The following OSBPL11 variants were observed in gnomAD, a reference collection of about 807,000 sequenced individuals.
OSBPL11 encodes the protein oxysterol-binding protein-related protein 11.
Under a neutral mutation model 84.4 loss-of-function variants are expected in OSBPL11, and 33 were observed. That is an observed-to-expected ratio of 0.39 (90% CI 0.30 to 0.52). OSBPL11 has a LOEUF of 0.52. Ranked by LOEUF, OSBPL11 falls within the 20% of genes least tolerant of loss-of-function variation. The probability of loss-of-function intolerance (pLI) is 0.72; values close to 1 mark genes in which losing one functional copy is unlikely to be tolerated. For missense variants in OSBPL11, 736 were observed against 901.1 expected (o/e 0.82, Z 2.35); for synonymous variants, 276 against 310.2 (o/e 0.89, Z 1.16).
intron 10 of OSBPL11, among the ~76,000 whole-genome samples, chr3:125,543,043 G>C (rs1011853104): frequency 1.3e-5 from 2 of 151,788 alleles, no homozygotes; most frequent in Non-Finnish European, 2.9e-5. Flanking sequence ...GAATCAGATA[G>C]ACCAGTTCTG....
intron 1 of OSBPL11, among the ~76,000 whole-genome samples, chr3:125,593,186 G>C (rs1263248111): frequency 2.0e-5 from 3 of 152,122 alleles, no homozygotes; most frequent in Non-Finnish European, 4.4e-5. Context: ...AGGTCAGGAC[G>C]AAGCGCCACG....
chr3:125,552,448 T>C lies in OSBPL11; in HGVS notation c.1387A>G (p.Met463Val), dbSNP rs1935927433. ...IGETFHCSWK[M>V]PKSEVASSVF... ...CTGGATGCTACCTCGCTTTTTGGCA[T>C]CTTCCAGGAACAGTGAAATGTTTCT... Residue 463 changes from methionine to valine, a missense_variant, in exon 9 of 13, where the codon ATG becomes GTG. Met to Val is a conservative substitution (Grantham distance 21, BLOSUM62 1). Around this residue, in one of 3 missense-constraint regions of OSBPL11, gnomAD observed 579 missense variants for 717.6 expected, o/e 0.81. Transcript: ENST00000296220. 6.2e-7 allele frequency: 1 copy of C among 1,614,192 alleles called. No homozygotes were observed. Among genetic ancestry groups the C allele is most frequent in the South Asian group, 1.1e-5 (1 of 91,086 alleles).
chr3:125,542,756 C>T (rs981526723), intron 10 of OSBPL11, among the ~76,000 whole-genome samples: 4 of 152,048 alleles, frequency 2.6e-5, no homozygotes, highest in Non-Finnish European at 5.9e-5. Flanking sequence ...GTGATCTACC[C>T]GCCTCGGCCT....
At chr3:125,557,791 CTTTTTTTTT>C (rs11295103) in intron 8 of OSBPL11, among the ~76,000 whole-genome samples, 8 of 81,952 alleles carry the variant, frequency 9.8e-5, no homozygotes, top group South Asian at 4.3e-4. Context: ...ATACAACTTT[CTTTTTTTTT>C]TTTTTTTTTT....
intron 1 of OSBPL11, among the ~76,000 whole-genome samples, chr3:125,586,266 TA>T (rs1936508816): frequency 6.6e-6 from 1 of 152,174 alleles, no homozygotes; most frequent in Admixed American, 6.5e-5. Context: ...TAAGCTATGA[TA>T]AAGTTAATTT....
chr3:125,580,756 T>C (rs983670820), intron 2 of OSBPL11, among the ~76,000 whole-genome samples: 3 of 152,048 alleles, frequency 2.0e-5, no homozygotes, highest in African/African-American at 4.8e-5. Flanking sequence ...AATCAAAATA[T>C]GAGCTCTGAG....
At chr3:125,574,685 C>T (rs1023026519) in intron 5 of OSBPL11, among the ~76,000 whole-genome samples, 3 of 152,136 alleles carry the variant, frequency 2.0e-5, no homozygotes, top group African/African-American at 7.2e-5. Context: ...GGACAACCAT[C>T]TGGTATATCT....
chr3:125,551,447 T>C (rs1032474701), intron 9 of OSBPL11, among the ~76,000 whole-genome samples: 7 of 152,016 alleles, frequency 4.6e-5, no homozygotes, highest in African/African-American at 1.7e-4. Flanking sequence ...GCTTTGTACT[T>C]TTCTAGTTTT....
chr3:125,592,773 AT>A (rs1312435894), intron 1 of OSBPL11, among the ~76,000 whole-genome samples: 1 of 152,134 alleles, frequency 6.6e-6, no homozygotes, highest in Non-Finnish European at 1.5e-5. Context: ...AAAAAGAAAA[AT>A]ATTAAGACCT....
chr3:125,569,621 T>TA (rs1358941137), intron 5 of OSBPL11, among the ~76,000 whole-genome samples: 1 of 152,170 alleles, frequency 6.6e-6, no homozygotes, highest in Non-Finnish European at 1.5e-5. Flanking sequence ...ATCCAACAAT[T>TA]ACACTCTTAG....
chr3:125,581,273 G>A (rs1044195761), intron 2 of OSBPL11, among the ~76,000 whole-genome samples: 1 of 151,868 alleles, frequency 6.6e-6, no homozygotes, highest in African/African-American at 2.4e-5. Flanking sequence ...TGTATTTTTC[G>A]TAGAGATGGA....
At chr3:125,583,472 T>C (rs565089549) in intron 1 of OSBPL11, among the ~76,000 whole-genome samples, 1 of 150,254 alleles carries the variant, frequency 6.7e-6, no homozygotes, top group South Asian at 2.1e-4. Flanking sequence ...TCCCAGCTAC[T>C]TGGGAGGCTG....
intron 10 of OSBPL11, among the ~76,000 whole-genome samples, chr3:125,545,696 T>C (rs1403001026): frequency 6.6e-6 from 1 of 152,016 alleles, no homozygotes; most frequent in African/African-American, 2.4e-5. Flanking sequence ...ACTATATATA[T>C]AGGCATCCTA....
chr3:125,555,654 G>T (rs1371879504), intron 8 of OSBPL11, among the ~76,000 whole-genome samples: 1 of 151,918 alleles, frequency 6.6e-6, no homozygotes, highest in Non-Finnish European at 1.5e-5. Flanking sequence ...AATGACTTCA[G>T]TCTTTTCATT....
At chr3:125,579,829 A>G (rs190731182) in intron 3 of OSBPL11, 36 bp downstream of exon 3, 4 of 1,597,474 alleles carry the variant, frequency 2.5e-6, no homozygotes, top group African/African-American at 2.7e-5. Context: ...AAAAAAGAGG[A>G]AAATCACAGT....
Position 125,582,993 on chromosome 3 carries a change from A to C in OSBPL11, c.165-15T>G. On this transcript the variant is annotated splice_polypyrimidine_tract_variant and intron_variant, in intron 1 of 12. Transcript: ENST00000296220. ...CCATGTGATCACTATTTCAAAATGA[A>C]AAAGCCAAAGTTAGTAAAAATTAGA... The C allele has an allele frequency of 6.4e-7, 1 of 1,564,574 alleles. No individual in the cohort carries two copies. Among genetic ancestry groups the C allele is most frequent in the Non-Finnish European group, 8.6e-7 (1 of 1,159,892 alleles).
At chr3:125,553,657 A>G (rs147785709) in intron 8 of OSBPL11, among the ~76,000 whole-genome samples, 3 of 152,342 alleles carry the variant, frequency 2.0e-5, no homozygotes, top group Admixed American at 2.0e-4. Context: ...AATGAAGGAA[A>G]AGCAATGTGA....
chr3:125,539,185 C>T (rs1369737924), intron 10 of OSBPL11, among the ~76,000 whole-genome samples: 1 of 149,222 alleles, frequency 6.7e-6, no homozygotes, highest in Non-Finnish European at 1.5e-5. Flanking sequence ...AATTCTCTTG[C>T]CAAAAGAGAA....
intron 11 of OSBPL11, among the ~76,000 whole-genome samples, chr3:125,533,343 C>T (rs1443081305): frequency 6.6e-6 from 1 of 151,802 alleles, no homozygotes; most frequent in East Asian, 1.9e-4. Flanking sequence ...TCCTGCCTCA[C>T]TTTCTTGAGT....
Sources: gnomAD v4.1 joint callset for allele counts (sites outside exome capture counted in the v4.1 genomes callset) on GRCh38, gnomAD v4.1.1 for gene constraint, gnomAD v4.1.1 regional missense constraint, MANE v1.5 for transcripts, NCBI Gene and HGNC (gene_info 2026-07-23, HGNC 2026-07-21) for gene names.